AKAP19: variants seen among roughly 807,000 people sequenced by gnomAD.
The protein encoded by AKAP19 is small A-kinase anchoring protein.
At chr2:189,947,696 C>A in the AKAP19 span, among the ~76,000 whole-genome samples, 3 of 151,910 alleles carry the variant, frequency 2.0e-5, no homozygotes, top group East Asian at 5.8e-4. Context: ...ATATATTTAA[C>A]CCTATATGGA....
chr2:190,165,450 T>TACAAA, the AKAP19 span, among the ~76,000 whole-genome samples: 1 of 150,950 alleles, frequency 6.6e-6, no homozygotes. Context: ...AACAATACAA[T>TACAAA]ACAAAACAAA....
the AKAP19 span, among the ~76,000 whole-genome samples, chr2:190,118,807 C>A: frequency 9.8e-5 from 15 of 152,290 alleles, no homozygotes; most frequent in Admixed American, 9.1e-4. Flanking sequence ...AAAACAGGCA[C>A]AAGACAGGGA....
At chr2:189,971,420 T>C in the AKAP19 span, among the ~76,000 whole-genome samples, 1 of 152,322 alleles carries the variant, frequency 6.6e-6, no homozygotes, top group South Asian at 2.1e-4. Context: ...TCTTTGCTAT[T>C]GTGAATAATG....
chr2:189,938,809 A>G, the AKAP19 span, among the ~76,000 whole-genome samples: 1 of 152,218 alleles, frequency 6.6e-6, no homozygotes, highest in East Asian at 1.9e-4. Context: ...GCCTGTATCA[A>G]AACATCTCGT....
At chr2:190,006,502 T>C in the AKAP19 span, among the ~76,000 whole-genome samples, 3 of 150,644 alleles carry the variant, frequency 2.0e-5, no homozygotes, top group African/African-American at 4.9e-5. Context: ...AAAAGAAAAT[T>C]AGCTGGGCGT....
At chr2:190,059,469 A>G in the AKAP19 span, among the ~76,000 whole-genome samples, 1 of 151,988 alleles carries the variant, frequency 6.6e-6, no homozygotes, top group African/African-American at 2.4e-5. Flanking sequence ...GGAGTATTCC[A>G]CAAAGAAATA....
chr2:190,012,382 T>A, the AKAP19 span, among the ~76,000 whole-genome samples: 1 of 152,232 alleles, frequency 6.6e-6, no homozygotes, highest in African/African-American at 2.4e-5. Flanking sequence ...TTTTTGATGC[T>A]TTTTTAATGA....
At chr2:190,131,964 A>G in the AKAP19 span, among the ~76,000 whole-genome samples, 2 of 152,204 alleles carry the variant, frequency 1.3e-5, no homozygotes, top group African/African-American at 2.4e-5. Context: ...GCACTAAAAA[A>G]TAAGTTATTT....
the AKAP19 span, among the ~76,000 whole-genome samples, chr2:189,968,810 G>T: frequency 1.3e-5 from 2 of 151,940 alleles, no homozygotes; most frequent in Non-Finnish European, 1.5e-5. Flanking sequence ...GGAAGAGTAA[G>T]TTTCTTTTAT....
At chr2:189,920,511 T>G in the AKAP19 span, among the ~76,000 whole-genome samples, 1 of 152,230 alleles carries the variant, frequency 6.6e-6, no homozygotes, top group Non-Finnish European at 1.5e-5. Flanking sequence ...TGGATATGCC[T>G]AGCTAAAATG....
chr2:190,198,236 T>C, the AKAP19 span, among the ~76,000 whole-genome samples: 1 of 152,188 alleles, frequency 6.6e-6, no homozygotes, highest in East Asian at 1.9e-4. Context: ...CTGGGTAGAA[T>C]TTATAGAATA....
the AKAP19 span, among the ~76,000 whole-genome samples, chr2:189,904,310 G>A: frequency 6.6e-6 from 1 of 152,004 alleles, no homozygotes; most frequent in Admixed American, 6.6e-5. Flanking sequence ...GAAACACAAA[G>A]TGCGTAAGTG....
the AKAP19 span, among the ~76,000 whole-genome samples, chr2:190,116,233 C>A: frequency 6.6e-6 from 1 of 152,088 alleles, no homozygotes; most frequent in East Asian, 1.9e-4. Flanking sequence ...TTATAATGAA[C>A]AGAAATTTAT....
At chr2:189,938,996 G>A in the AKAP19 span, among the ~76,000 whole-genome samples, 2 of 152,150 alleles carry the variant, frequency 1.3e-5, no homozygotes, top group South Asian at 4.1e-4. Flanking sequence ...AAAAAGTGAG[G>A]TTGAGATGGA....
the AKAP19 span, among the ~76,000 whole-genome samples, chr2:189,958,634 C>T: frequency 6.7e-6 from 1 of 150,182 alleles, no homozygotes; most frequent in Admixed American, 6.6e-5. Flanking sequence ...TGCATATGTG[C>T]ACCAGGACAG....
At chr2:189,979,234 G>T in the AKAP19 span, among the ~76,000 whole-genome samples, 4 of 151,936 alleles carry the variant, frequency 2.6e-5, no homozygotes, top group Non-Finnish European at 4.4e-5. Flanking sequence ...AAAAATAGAT[G>T]CATGTATTAA....
the AKAP19 span, among the ~76,000 whole-genome samples, chr2:190,142,496 G>A: frequency 2.0e-5 from 3 of 152,142 alleles, no homozygotes; most frequent in Non-Finnish European, 2.9e-5. Context: ...GATTAGCTCA[G>A]CCAGTGTTCC....
chr2:190,020,088 T>C, the AKAP19 span, among the ~76,000 whole-genome samples: 2 of 152,230 alleles, frequency 1.3e-5, no homozygotes, highest in East Asian at 3.9e-4. Flanking sequence ...AATTTGGGTT[T>C]TGGAGATCTC....
chr2:189,904,127 A>G, the AKAP19 span, among the ~76,000 whole-genome samples: 1 of 152,218 alleles, frequency 6.6e-6, no homozygotes, highest in African/African-American at 2.4e-5. Flanking sequence ...GCTTGAAATA[A>G]GTTTAGTTAC....
Sources: allele counts gnomAD v4.1 joint callset (sites outside exome capture counted in the v4.1 genomes callset), GRCh38; gene constraint gnomAD v4.1.1; transcripts MANE v1.5; gene names NCBI Gene and HGNC (gene_info 2026-07-23, HGNC 2026-07-21).